Variants in CNTN3 observed in about 807,000 individuals in gnomAD.
CNTN3 encodes the protein contactin 3.
Under a neutral mutation model 119.1 loss-of-function variants are expected in CNTN3, and 60 were observed. The ratio of observed to expected loss-of-function variants is 0.50; its 90% CI spans 0.41 to 0.62. The LOEUF (loss-of-function observed/expected upper bound fraction) is 0.62. Ranked by LOEUF, CNTN3 falls within the 20% of genes least tolerant of loss-of-function variation. The pLI is 0.00. For missense variants in CNTN3, 1,101 were observed against 1,242.4 expected (o/e 0.89, Z 1.71); for synonymous variants, 450 against 438.7 (o/e 1.03, Z -0.32).
chr3:74,276,047 G>C (rs994974432), intron 20 of CNTN3, among the ~76,000 whole-genome samples: 6 of 152,082 alleles, frequency 3.9e-5, no homozygotes, highest in Non-Finnish European at 8.8e-5. Flanking sequence ...AAAAGATAAA[G>C]AGGGACATTA....
chr3:74,534,253 C>A (rs1031890957), intron 1 of CNTN3, among the ~76,000 whole-genome samples: 2 of 151,948 alleles, frequency 1.3e-5, no homozygotes, highest in African/African-American at 2.4e-5. Flanking sequence ...ATAGCATGAG[C>A]CCCTTATGCC....
At chr3:74,559,833 A>G (rs991911280) in intron 1 of CNTN3, among the ~76,000 whole-genome samples, 5 of 152,152 alleles carry the variant, frequency 3.3e-5, no homozygotes, top group African/African-American at 1.2e-4. Flanking sequence ...CTCAAAGTGT[A>G]TTTCAGTGAC....
chr3:74,406,954 A>G (rs1404626244), intron 5 of CNTN3, among the ~76,000 whole-genome samples: 1 of 152,170 alleles, frequency 6.6e-6, no homozygotes, highest in Non-Finnish European at 1.5e-5. Context: ...CTTGTCTATT[A>G]TGCTGAATCT....
chr3:74,436,176 T>TG (rs1701863108), intron 4 of CNTN3, among the ~76,000 whole-genome samples: 1 of 152,262 alleles, frequency 6.6e-6, no homozygotes, highest in Non-Finnish European at 1.5e-5. Context: ...TCTTTGCTTA[T>TG]GCTCTATCCT....
chr3:74,577,603 C>G (rs1704439167), intron 1 of CNTN3, among the ~76,000 whole-genome samples: 2 of 152,108 alleles, frequency 1.3e-5, no homozygotes, highest in South Asian at 4.1e-4. Flanking sequence ...TGTTCTCATT[C>G]ACCCAAAACA....
In CNTN3 at chr3:74,432,380, A is replaced by T. The variant is rs1423289580; in HGVS notation, c.359-7440T>A. Among the ~76,000 whole-genome samples the T allele has an allele frequency of 3.3e-5, 5 of 150,120 alleles. No homozygotes were observed. In the East Asian group the frequency reaches 9.7e-4, roughly 29 times the overall value. On this transcript the variant is annotated intron_variant, in intron 4 of 22. Coordinates refer to ENST00000263665, the MANE Select transcript of CNTN3 (RefSeq NM_020872.3). ...AATACATTAACACTAACAAGAGCCAATGAGCTAAAAAAAAAAAAAAAATCA... is the reference window on the plus strand; with the variant it reads ...AATACATTAACACTAACAAGAGCCATTGAGCTAAAAAAAAAAAAAAAATCA...
intron 5 of CNTN3, among the ~76,000 whole-genome samples, chr3:74,422,507 T>A (rs1457724968): frequency 6.6e-6 from 1 of 152,184 alleles, no homozygotes; most frequent in Non-Finnish European, 1.5e-5. Context: ...GGGCTAACAG[T>A]TCTCCAATTT....
At chr3:74,309,210 T>A (rs1213896477) in intron 13 of CNTN3, among the ~76,000 whole-genome samples, 1 of 152,130 alleles carries the variant, frequency 6.6e-6, no homozygotes, top group Non-Finnish European at 1.5e-5. Flanking sequence ...GTTCATGTGA[T>A]CCTTCCACGT....
chr3:74,482,646 G>A (rs1431330097), intron 4 of CNTN3, among the ~76,000 whole-genome samples: 1 of 152,018 alleles, frequency 6.6e-6, no homozygotes, highest in Non-Finnish European at 1.5e-5. Flanking sequence ...CCATAGCTGA[G>A]AGAAACAAAG....
intron 3 of CNTN3, among the ~76,000 whole-genome samples, chr3:74,489,564 T>C (rs1702924335): frequency 6.6e-6 from 1 of 152,074 alleles, no homozygotes; most frequent in Admixed American, 6.6e-5. Context: ...AAAAGGTCCC[T>C]GACTTCATGA....
At chr3:74,585,766 T>C (rs767338609) in intron 1 of CNTN3, among the ~76,000 whole-genome samples, 7 of 152,154 alleles carry the variant, frequency 4.6e-5, no homozygotes, top group Non-Finnish European at 1.0e-4. Flanking sequence ...AACACTCTAA[T>C]GATTTTTCTA....
chr3:74,371,327 T>C lies in CNTN3; in HGVS notation c.527A>G (p.Gln176Arg), dbSNP rs1704332670. 6.2e-7 allele frequency: 1 copy of C among 1,611,882 alleles called. No homozygotes were observed. Among genetic ancestry groups the C allele is most frequent in the Non-Finnish European group, 8.5e-7 (1 of 1,178,268 alleles). Residue 176 changes from glutamine to arginine, a missense_variant, in exon 6 of 23, where the codon CAG becomes CGG. By Grantham distance (43) the Gln-to-Arg change is conservative (BLOSUM62 1). Coordinates refer to ENST00000263665, the MANE Select transcript of CNTN3 (RefSeq NM_020872.3). ...AGATATGTAGAGGTGCCCTGTCTCC[T>C]GGGAGACAAATCTCCGACTATCTTC... ...VEEDSRRFVSQETGHLYISKV... is the reference protein window; with the variant it reads ...VEEDSRRFVSRETGHLYISKV...
At chr3:74,580,398 A>G (rs1349037528) in intron 1 of CNTN3, among the ~76,000 whole-genome samples, 1 of 152,186 alleles carries the variant, frequency 6.6e-6, no homozygotes, top group African/African-American at 2.4e-5. Context: ...TGGCATTATC[A>G]TGATACCAAA....
Position 74,606,323 on chromosome 3 carries a change from T to C in CNTN3, c.-81+8068A>G, listed in dbSNP as rs145641131. ...CTCCCCATCATTTGATTTTAATCTC[T>C]TCTGCTTGAACGCTTACAAGATGTC... On this transcript the variant is annotated intron_variant, in intron 1 of 22. Coordinates refer to ENST00000263665, the MANE Select transcript of CNTN3 (RefSeq NM_020872.3). Among the ~76,000 whole-genome samples the C allele has an allele frequency of 6.6e-5, 10 of 152,176 alleles. No homozygotes were observed. The East Asian group carries it at 1.9e-3, about 30-fold the overall frequency.
At chr3:74,270,275 G>T (rs1701746016) in intron 20 of CNTN3, among the ~76,000 whole-genome samples, 1 of 152,138 alleles carries the variant, frequency 6.6e-6, no homozygotes, top group Admixed American at 6.5e-5. Context: ...TGGAATGTGG[G>T]CCAAAGGGAA....
At chr3:74,590,616 C>A (rs1704685409) in intron 1 of CNTN3, among the ~76,000 whole-genome samples, 1 of 151,960 alleles carries the variant, frequency 6.6e-6, no homozygotes, top group African/African-American at 2.4e-5. Flanking sequence ...AGGATACAGG[C>A]CATGGGGCTA....
intron 4 of CNTN3, among the ~76,000 whole-genome samples, chr3:74,430,666 A>C (rs1182447402): frequency 6.6e-6 from 1 of 152,066 alleles, no homozygotes; most frequent in Non-Finnish European, 1.5e-5. Flanking sequence ...GTCGTTATCA[A>C]AGGGTACTAT....
intron 5 of CNTN3, among the ~76,000 whole-genome samples, chr3:74,422,370 G>A (rs575053143): frequency 1.2e-4 from 18 of 152,240 alleles, no homozygotes; most frequent in Admixed American, 5.2e-4. Flanking sequence ...ATTTCTTCCC[G>A]TCTTCACCTA....
chr3:74,598,801 A>G (rs966267931), intron 1 of CNTN3, among the ~76,000 whole-genome samples: 1 of 152,050 alleles, frequency 6.6e-6, no homozygotes, highest in Non-Finnish European at 1.5e-5. Context: ...TATGTATGAA[A>G]TGTCTAGTAA....
Sources: allele counts gnomAD v4.1 joint callset (sites outside exome capture counted in the v4.1 genomes callset), GRCh38; gene constraint gnomAD v4.1.1; transcripts MANE v1.5; gene names NCBI Gene and HGNC (gene_info 2026-07-23, HGNC 2026-07-21).